Variants in RYR3 observed in about 807,000 individuals in gnomAD.
RYR3 encodes brain ryanodine receptor-calcium release channel.
A neutral mutation model predicts 584.3 loss-of-function variants in RYR3; 207 were observed. That is an observed-to-expected ratio of 0.35 (90% CI 0.32 to 0.40). The LOEUF (loss-of-function observed/expected upper bound fraction) is 0.40, where lower values mean the gene tolerates loss of function less well. Ranked by LOEUF, RYR3 falls within the 10% of genes least tolerant of loss-of-function variation. RYR3 has a pLI of 1.00. For synonymous variants in RYR3, 2,416 were observed against 2,248.5 expected (o/e 1.07, Z -2.11); for missense variants, 5,616 against 6,089.2 (o/e 0.92, Z 2.59).
intron 36 of RYR3, among the ~76,000 whole-genome samples, chr15:33,666,226 G>A (rs1208137339): frequency 1.3e-5 from 2 of 152,016 alleles, no homozygotes; most frequent in African/African-American, 4.8e-5. Flanking sequence ...GGCTGGTCTC[G>A]AACTCCTGAC....
chr15:33,357,815 C>T lies in RYR3; in HGVS notation c.51+46719C>T, dbSNP rs146267735. On this transcript the variant is annotated intron_variant, in intron 1 of 103. Transcript: ENST00000634891. ...ATACAGGGTAATCTTCCCCCAGCAC[C>T]GCCCCCAGCAGTCACCAGCGAGCCT... is the stretch of plus-strand genomic sequence containing the variant. Among the ~76,000 whole-genome samples the T allele has an allele frequency of 5.6e-3, 846 of 152,220 alleles. 6 individuals carry two copies. The highest frequency in any genetic ancestry group is 0.019 in the African/African-American group (793 of 41,508).
intron 43 of RYR3, among the ~76,000 whole-genome samples, chr15:33,721,746 T>C (rs2067931410): frequency 6.6e-6 from 1 of 152,138 alleles, no homozygotes; most frequent in Non-Finnish European, 1.5e-5. Flanking sequence ...AGATACAAAT[T>C]AGGATTTCAT....
chr15:33,416,564 C>T (rs962208435), intron 1 of RYR3, among the ~76,000 whole-genome samples: 1 of 151,890 alleles, frequency 6.6e-6, no homozygotes, highest in Non-Finnish European at 1.5e-5. Flanking sequence ...TGATTTTAAG[C>T]TCCTTATAGA....
At chr15:33,535,123 A>G (rs1001489460) in intron 5 of RYR3, among the ~76,000 whole-genome samples, 7 of 152,272 alleles carry the variant, frequency 4.6e-5, no homozygotes, top group African/African-American at 1.7e-4. Context: ...GTAATATGAC[A>G]TTCTCCCTTA....
intron 19 of RYR3, among the ~76,000 whole-genome samples, chr15:33,618,010 T>C (rs1313626436): frequency 6.6e-6 from 1 of 152,162 alleles, no homozygotes; most frequent in African/African-American, 2.4e-5. Flanking sequence ...ATGAGGTATA[T>C]GTACCTTGTA....
At chr15:33,452,916 C>A (rs2047245727) in intron 1 of RYR3, among the ~76,000 whole-genome samples, 3 of 152,214 alleles carry the variant, frequency 2.0e-5, no homozygotes, top group Admixed American at 6.5e-5. Flanking sequence ...CTACAGCAAT[C>A]TGTTAGGGTC....
rs927463271 is a variant in RYR3 at position 33,390,042 on chromosome 15, A to G, written c.51+78946A>G. Among the ~76,000 whole-genome samples, 2 of 152,216 alleles carry G rather than the reference A, an allele frequency of 1.3e-5. No homozygotes were observed. Among genetic ancestry groups the G allele is most frequent in the Admixed American group, 1.3e-4 (2 of 15,274 alleles). On this transcript the variant is annotated intron_variant, in intron 1 of 103. Transcript: ENST00000634891. This position sits in a 1 kb window ranked among gnomAD's most constrained non-coding sequence, Gnocchi z 4.2. Reference sequence around the variant, plus strand: ...GTTTCCAATTTCTATCATTTCAGGTATGTAAATTATTGCTGAAAACATGGT... The same window carrying G: ...GTTTCCAATTTCTATCATTTCAGGTGTGTAAATTATTGCTGAAAACATGGT...
intron 38 of RYR3, among the ~76,000 whole-genome samples, chr15:33,694,918 T>C (rs993369272): frequency 6.6e-6 from 1 of 152,246 alleles, no homozygotes; most frequent in Non-Finnish European, 1.5e-5. Flanking sequence ...TAGGTCTCTT[T>C]TAAAGCTTGG....
At position 33,748,110 on chromosome 15, in the gene RYR3, C is replaced by A; in HGVS notation, c.7990-4C>A. The stretch of plus-strand genomic sequence containing the variant: ...AAAGTGCTTCTGCTCAAATTCTCTT[C>A]TAGGAGAAGGAAATTTATCGCTGGC... On this transcript the variant is annotated splice_polypyrimidine_tract_variant and splice_region_variant and intron_variant, in intron 53 of 103. Coordinates refer to ENST00000634891, the MANE Select transcript of RYR3 (RefSeq NM_001036.6). 1 of 1,613,438 alleles carries A rather than the reference C, an allele frequency of 6.2e-7. No homozygotes were observed. Among genetic ancestry groups the A allele is most frequent in the African/African-American group, 1.3e-5 (1 of 75,028 alleles).
intron 45 of RYR3, 130 bp from the exon 46 acceptor site, chr15:33,726,254 CTG>C (rs2068447076): frequency 1.1e-6 from 1 of 932,890 alleles, no homozygotes; most frequent in Non-Finnish European, 1.6e-6. Flanking sequence ...CCACAAGTGT[CTG>C]TAGCAATTAG....
intron 1 of RYR3, among the ~76,000 whole-genome samples, chr15:33,354,329 A>T (rs536844407): frequency 6.6e-6 from 1 of 152,256 alleles, no homozygotes; most frequent in African/African-American, 2.4e-5. Context: ...TCACATTGGA[A>T]TCTGGTCTGC....
At chr15:33,664,640 A>G (rs2063391383) in intron 36 of RYR3, among the ~76,000 whole-genome samples, 1 of 106,448 alleles carries the variant, frequency 9.4e-6, no homozygotes, top group African/African-American at 3.7e-5. Flanking sequence ...TGCGAGGGAG[A>G]TGCAAAATGT....
intron 89 of RYR3, 100 bp downstream of exon 89, chr15:33,839,058 A>G (rs1020856232): frequency 7.1e-7 from 1 of 1,400,304 alleles, no homozygotes; most frequent in African/African-American, 1.4e-5. Context: ...AGGAGCCAAC[A>G]CTCTATGTTA....
At chr15:33,669,246 T>A in intron 36 of RYR3, 108 bp from the exon 37 acceptor site, 7 of 687,398 alleles carry the variant, frequency 1.0e-5, no homozygotes, top group East Asian at 6.3e-5. Context: ...AAAAAATCAC[T>A]AAGTAAAATA....
chr15:33,585,023 G>C (rs966895830), intron 15 of RYR3, among the ~76,000 whole-genome samples: 1 of 152,126 alleles, frequency 6.6e-6, no homozygotes, highest in Non-Finnish European at 1.5e-5. Flanking sequence ...CAAGAGTGTG[G>C]TCATCATTGG....
chr15:33,816,840 C>T, intron 74 of RYR3, 22 bp from the exon 75 acceptor site: 2 of 1,546,468 alleles, frequency 1.3e-6, no homozygotes, highest in Non-Finnish European at 1.8e-6. Context: ...CTCTTGACCT[C>T]CCTCTCACCC....
chr15:33,581,108 T>A (rs2152515124), intron 13 of RYR3, among the ~76,000 whole-genome samples: 1 of 152,224 alleles, frequency 6.6e-6, no homozygotes, highest in African/African-American at 2.4e-5. Flanking sequence ...GAACTTGAAC[T>A]TACTTGATAT....
intron 1 of RYR3, among the ~76,000 whole-genome samples, chr15:33,338,396 G>A (rs1971408294): frequency 6.6e-6 from 1 of 152,168 alleles, no homozygotes; most frequent in Non-Finnish European, 1.5e-5. Flanking sequence ...TTTTACATAA[G>A]ATGACATAAA....
chr15:33,504,949 C>T (rs1425032686), intron 3 of RYR3, among the ~76,000 whole-genome samples: 1 of 152,252 alleles, frequency 6.6e-6, no homozygotes, highest in Non-Finnish European at 1.5e-5. Context: ...GCTGACCCCA[C>T]AAGTCTGTTG....
Sources: gnomAD v4.1 joint callset for allele counts (sites outside exome capture counted in the v4.1 genomes callset) on GRCh38, gnomAD v4.1.1 for gene constraint, Gnocchi (gnomAD v3.1) non-coding constraint, MANE v1.5 for transcripts, NCBI Gene and HGNC (gene_info 2026-07-23, HGNC 2026-07-21) for gene names.